FBXO24: variants seen among roughly 807,000 people sequenced by gnomAD.
The protein encoded by FBXO24 is F-box only protein 24.
A neutral mutation model predicts 63.5 loss-of-function variants in FBXO24; 30 were observed. The ratio of observed to expected loss-of-function variants is 0.47; its 90% CI spans 0.35 to 0.64. The LOEUF is 0.64. Ranked by LOEUF, FBXO24 falls within the 30% of genes least tolerant of loss-of-function variation. The pLI is 0.00. For missense variants in FBXO24, 624 were observed against 763.4 expected (o/e 0.82, Z 2.15); for synonymous variants, 300 against 305.0 (o/e 0.98, Z 0.17).
intron 8 of FBXO24, among the ~76,000 whole-genome samples, chr7:100,598,628 CT>C (rs1311148036): frequency 6.6e-6 from 1 of 151,920 alleles, no homozygotes; most frequent in African/African-American, 2.4e-5. Context: ...CAAGTAGAAG[CT>C]TTTTTTTCAA....
At chr7:100,586,919 C>CG (rs964601827) in intron 1 of FBXO24, among the ~76,000 whole-genome samples, 2 of 73,912 alleles carry the variant, frequency 2.7e-5, no homozygotes, top group African/African-American at 5.2e-5. Context: ...TGGGGGCGGG[C>CG]GGGGGGCTTC....
At chr7:100,587,602 C>CCACAG (rs1562813727) in intron 1 of FBXO24, among the ~76,000 whole-genome samples, 5 of 117,810 alleles carry the variant, frequency 4.2e-5, no homozygotes, top group Admixed American at 9.0e-5. Flanking sequence ...CGCGCCCGGC[C>CCACAG]TTTTTTTTTT....
chr7:100,589,889 A>G, intron 1 of FBXO24, 88 bp from the exon 2 acceptor site: 1 of 1,558,114 alleles, frequency 6.4e-7, no homozygotes, highest in Non-Finnish European at 8.7e-7. Flanking sequence ...GTGCCCAGCT[A>G]GAGTCAGATG....
chr7:100,599,859 G>C (rs1193532446), intron 8 of FBXO24, 172 bp from the exon 9 acceptor site: 5 of 668,010 alleles, frequency 7.5e-6, no homozygotes, highest in Non-Finnish European at 1.3e-5. Context: ...ACCAGTTAGA[G>C]TATGGGGGCT....
At chr7:100,595,484 G>C (rs986904626) in intron 7 of FBXO24, 91 bp from the exon 8 acceptor site, 32 of 1,425,114 alleles carry the variant, frequency 2.2e-5, no homozygotes, top group Non-Finnish European at 2.8e-5. Flanking sequence ...AGATCAGCTG[G>C]GGATGGCAGG....
intron 8 of FBXO24, among the ~76,000 whole-genome samples, chr7:100,598,396 G>C (rs1289906357): frequency 6.6e-6 from 1 of 152,144 alleles, no homozygotes; most frequent in Non-Finnish European, 1.5e-5. Context: ...GCGCTAACAG[G>C]CTCAGGAGAA....
chr7:100,599,158 G>A (rs1802457948), intron 8 of FBXO24, among the ~76,000 whole-genome samples: 1 of 152,192 alleles, frequency 6.6e-6, no homozygotes, highest in Non-Finnish European at 1.5e-5. Context: ...GGAGGCTGAG[G>A]CAGAAGAATG....
chr7:100,591,696 G>A lies in FBXO24; in HGVS notation c.352G>A (p.Gly118Arg), dbSNP rs1802035775. The part of the protein sequence containing the change: ...YTKGLYFQAF[G>R]GRRRCLSKSV... ...GAAGGGCCTGTATTTCCAGGCATTT[G>A]GAGGCCGCCGCCGATGTCTCAGCAA... The change falls in exon 4 of 10, where the codon GGA (glycine) becomes AGA (arginine). Residue 118 changes from glycine (G) to arginine (R), a missense_variant. Gly to Arg is a moderately radical substitution (Grantham distance 125, BLOSUM62 -2). Coordinates refer to ENST00000241071, the MANE Select transcript of FBXO24 (RefSeq NM_033506.3). 6.2e-7 allele frequency: 1 copy of A among 1,614,196 alleles called. No individual in the cohort carries two copies. The highest frequency in any genetic ancestry group is 8.5e-7 in the Non-Finnish European group (1 of 1,180,036).
intron 8 of FBXO24, chr7:100,599,688 G>A (rs866526084): frequency 1.2e-5 from 3 of 259,962 alleles, no homozygotes; most frequent in Non-Finnish European, 2.2e-5. Context: ...TGCACAAGAA[G>A]CAAGTCTCCC....
At chr7:100,588,586 C>T (rs911450087) in intron 1 of FBXO24, among the ~76,000 whole-genome samples, 1 of 152,134 alleles carries the variant, frequency 6.6e-6, no homozygotes, top group East Asian at 1.9e-4. Flanking sequence ...TGAGCCCCTG[C>T]AAGAGCCAGC....
At position 100,594,676 on chromosome 7, in the gene FBXO24, C is replaced by T; in HGVS notation, c.952+135C>T. The stretch of plus-strand genomic sequence containing the variant: ...AGTGAAAAGATGTGTTTAGGGCCGG[C>T]ATGGTGACTCATGCCTGTAATCCCA... On this transcript the variant is annotated intron_variant, in intron 6 of 9. Coordinates refer to ENST00000241071, the MANE Select transcript of FBXO24 (RefSeq NM_033506.3). This position sits in a 1 kb window ranked among gnomAD's most constrained non-coding sequence, Gnocchi z 4.2. 1.0e-6 allele frequency: 1 copy of T among 1,004,946 alleles called. No homozygotes were observed. The highest frequency in any genetic ancestry group is 1.4e-6 in the Non-Finnish European group (1 of 728,208). The allele number at this position is 1,004,946 out of a possible 1,614,324, so 62.3% of individuals were successfully genotyped here.
intron 4 of FBXO24, 72 bp downstream of exon 4, chr7:100,591,974 C>T: frequency 6.7e-7 from 1 of 1,484,060 alleles, no homozygotes; most frequent in Non-Finnish European, 9.4e-7. Context: ...TAAAGACGTA[C>T]CAGAGGCCGG....
chr7:100,595,536 G>A (rs1802264937), intron 7 of FBXO24, 39 bp from the exon 8 acceptor site: 4 of 1,540,782 alleles, frequency 2.6e-6, no homozygotes, highest in Non-Finnish European at 3.5e-6. Context: ...TCCTCTGGAG[G>A]GAATGGAATC....
chr7:100,596,054 G>T (rs1300431704), intron 8 of FBXO24, among the ~76,000 whole-genome samples: 1 of 152,066 alleles, frequency 6.6e-6, no homozygotes, highest in Non-Finnish European at 1.5e-5. Flanking sequence ...GAGGTGGACA[G>T]ATCACTTGAG....
At chr7:100,599,930 C>G (rs1802504588) in intron 8 of FBXO24, 101 bp from the exon 9 acceptor site, 1 of 1,344,960 alleles carries the variant, frequency 7.4e-7, no homozygotes, top group South Asian at 1.3e-5. Context: ...TTCCTCCTCC[C>G]CAGTTCATTC....
chr7:100,587,019 A>G (rs1801792538), intron 1 of FBXO24, among the ~76,000 whole-genome samples: 1 of 152,220 alleles, frequency 6.6e-6, no homozygotes, highest in Non-Finnish European at 1.5e-5. Flanking sequence ...TCCCCTGGAC[A>G]GGAATGGAGA....
chr7:100,586,733 C>T (rs761538961), intron 1 of FBXO24, 69 bp downstream of exon 1: 1 of 1,572,844 alleles, frequency 6.4e-7, no homozygotes, highest in Admixed American at 1.7e-5. Context: ...GAACGCAGTT[C>T]GCCGCTGCAG....
In FBXO24 at chr7:100,600,578, A is replaced by G. The variant is rs1370812378; in HGVS notation, c.1422A>G (p.Leu474=). The part of the protein sequence containing the change: ...ACALCATREC[L]YILSSHDIEQ... ...CCCTCTGTGCCACCAGGGAGTGCCTATACATCCTGTCCAGCCACGACATTG... is the reference window on the plus strand; with the variant it reads ...CCCTCTGTGCCACCAGGGAGTGCCTGTACATCCTGTCCAGCCACGACATTG... Residue 474 remains leucine (L), a synonymous_variant, in exon 10 of 10, where the codon CTA becomes CTG. Transcript: ENST00000241071. The surrounding 1 kb of genome is among the most constrained non-coding windows in gnomAD (Gnocchi z 6.3). 6 of 1,601,630 alleles carry G rather than the reference A, an allele frequency of 3.7e-6. No individual in the cohort carries two copies. The African/African-American group carries it at 6.7e-5, about 18-fold the overall frequency.
chr7:100,595,693 G>A lies in FBXO24; in HGVS notation c.1193G>A (p.Gly398Glu). The A allele has an allele frequency of 2.5e-6, 4 of 1,607,764 alleles. No homozygotes were observed. Among genetic ancestry groups the A allele is most frequent in the Non-Finnish European group, 3.4e-6 (4 of 1,176,450 alleles). Residue 398 changes from glycine (G) to glutamate (E), a missense_variant, in exon 8 of 10, where the codon GGG becomes GAG. Physicochemically the swap from Gly to Glu is moderately conservative, Grantham distance 98. Around this residue, in one of 3 missense-constraint regions of FBXO24, gnomAD observed 216 missense variants for 245.2 expected, o/e 0.88. Transcript: ENST00000241071. ...QLGTGDKMDRGEPTQVCYLQR... is the reference protein window; with the variant it reads ...QLGTGDKMDREEPTQVCYLQR... The stretch of plus-strand genomic sequence containing the variant: ...GGAACAGGGGACAAAATGGACCGAG[G>A]GGAACCCACACAGGTGAGACTATTT...
Sources: gnomAD v4.1 joint callset for allele counts (sites outside exome capture counted in the v4.1 genomes callset) on GRCh38, gnomAD v4.1.1 for gene constraint, gnomAD v4.1.1 regional missense constraint, Gnocchi (gnomAD v3.1) non-coding constraint, MANE v1.5 for transcripts, NCBI Gene and HGNC (gene_info 2026-07-23, HGNC 2026-07-21) for gene names.